Variants in PRKCQ observed in about 807,000 individuals in gnomAD.
The protein encoded by PRKCQ is protein kinase C theta, also known as protein kinase C theta type.
In PRKCQ, 41 loss-of-function variants were observed where a neutral mutation model predicts 91.2. The observed-to-expected ratio is 0.45, with a 90% CI of 0.35 to 0.58. The LOEUF (loss-of-function observed/expected upper bound fraction) is 0.58. PRKCQ is among the 20% of genes least tolerant of loss of function. The probability of loss-of-function intolerance (pLI) is 0.00; values close to 1 mark genes in which losing one functional copy is unlikely to be tolerated. For missense variants in PRKCQ, 673 were observed against 896.5 expected, an observed-to-expected ratio of 0.75 and a Z score of 3.18; for synonymous variants, 307 against 316.9, an observed-to-expected ratio of 0.97 and a Z score of 0.33.
chr10:6,435,087 T>G (rs1429416400), intron 16 of PRKCQ, among the ~76,000 whole-genome samples: 1 of 152,170 alleles, frequency 6.6e-6, no homozygotes, highest in Non-Finnish European at 1.5e-5. Flanking sequence ...GCTAATTTTT[T>G]GTACTTTTAG....
chr10:6,448,251 G>A (rs1391785481), intron 15 of PRKCQ, among the ~76,000 whole-genome samples: 1 of 152,190 alleles, frequency 6.6e-6, no homozygotes, highest in African/African-American at 2.4e-5. Flanking sequence ...TTGGTCAGGT[G>A]GATGTAGAGG....
the PRKCQ span, among the ~76,000 whole-genome samples, chr10:6,405,786 C>T: frequency 2.0e-5 from 3 of 152,332 alleles, no homozygotes; most frequent in South Asian, 6.2e-4. Flanking sequence ...CTTTGAAGGA[C>T]AAGTGCGGGA....
chr10:6,487,789 G>A (rs1564343337), intron 8 of PRKCQ, among the ~76,000 whole-genome samples: 1 of 152,092 alleles, frequency 6.6e-6, no homozygotes. Flanking sequence ...CCTGAGGTCA[G>A]GAGTTTGAGA....
intron 1 of PRKCQ, 143 bp from the exon 2 acceptor site, chr10:6,515,287 C>T: frequency 6.5e-7 from 1 of 1,531,264 alleles, no homozygotes; most frequent in Non-Finnish European, 8.7e-7. Context: ...AATGTTTTCA[C>T]TTCCCCTTCT....
intron 1 of PRKCQ, among the ~76,000 whole-genome samples, chr10:6,558,601 CGG>C (rs1564393017): frequency 6.6e-6 from 1 of 152,174 alleles, no homozygotes; most frequent in Non-Finnish European, 1.5e-5. Context: ...GAAGTGACTT[CGG>C]TCCAGGAAAC....
the PRKCQ span, among the ~76,000 whole-genome samples, chr10:6,419,088 A>T: frequency 1.3e-5 from 2 of 151,562 alleles, no homozygotes; most frequent in South Asian, 2.1e-4. Flanking sequence ...TCAATCATCT[A>T]CCTCTGTATT....
At chr10:6,417,043 TC>T in the PRKCQ span, among the ~76,000 whole-genome samples, 5 of 152,342 alleles carry the variant, frequency 3.3e-5, no homozygotes, top group Admixed American at 3.3e-4. Flanking sequence ...TGTAATGTAT[TC>T]TTAAAGGAAA....
intron 1 of PRKCQ, among the ~76,000 whole-genome samples, chr10:6,574,504 C>T (rs1841155290): frequency 6.6e-6 from 1 of 152,164 alleles, no homozygotes; most frequent in African/African-American, 2.4e-5. Context: ...TGGAGGATAA[C>T]GTATATGGTT....
rs116903545 is a variant in PRKCQ, at chr10:6,495,009, G to A, written c.660+2026C>T. On this transcript the variant is annotated intron_variant, in intron 7 of 17. Coordinates refer to ENST00000263125, the MANE Select transcript of PRKCQ (RefSeq NM_006257.5). ...GCCTCGGGCAGAAGCCAGAACCTGC[G>A]GCATCATCCTTATATCCACCTCTTT... Among the ~76,000 whole-genome samples, 78 of 152,196 alleles carry A rather than the reference G, an allele frequency of 5.1e-4. 2 individuals are homozygous for A. The East Asian group carries it at 0.013, about 25-fold the overall frequency.
At chr10:6,521,590 T>C (rs751817796) in intron 1 of PRKCQ, among the ~76,000 whole-genome samples, 1 of 152,250 alleles carries the variant, frequency 6.6e-6, no homozygotes, top group Non-Finnish European at 1.5e-5. Context: ...TAGTTATTAT[T>C]ATTACAACTC....
chr10:6,547,339 A>T (rs1249915675), intron 1 of PRKCQ, among the ~76,000 whole-genome samples: 1 of 151,674 alleles, frequency 6.6e-6, no homozygotes, highest in Admixed American at 6.6e-5. Flanking sequence ...TGCCATCCCC[A>T]TCAAGCTACC....
chr10:6,474,750 T>C (rs1475956684), intron 12 of PRKCQ, among the ~76,000 whole-genome samples: 2 of 152,230 alleles, frequency 1.3e-5, no homozygotes, highest in African/African-American at 4.8e-5. Flanking sequence ...AAGTGGATAG[T>C]TAAAAGATTT....
chr10:6,435,941 C>A (rs7070193), intron 16 of PRKCQ, among the ~76,000 whole-genome samples: 1 of 151,944 alleles, frequency 6.6e-6, no homozygotes, highest in East Asian at 1.9e-4. Context: ...TGGCAAAACC[C>A]GTCTCTACAA....
chr10:6,535,897 T>C (rs982576020), intron 1 of PRKCQ, among the ~76,000 whole-genome samples: 4 of 152,182 alleles, frequency 2.6e-5, no homozygotes, highest in East Asian at 1.9e-4. Context: ...CATCGATCTA[T>C]GAGGAAATGC....
chr10:6,450,861 A>G (rs1163575522), intron 15 of PRKCQ, among the ~76,000 whole-genome samples: 2 of 152,206 alleles, frequency 1.3e-5, no homozygotes, highest in African/African-American at 4.8e-5. Flanking sequence ...AGAAATAAAG[A>G]TGTTCTTTGA....
At chr10:6,483,716 G>A in intron 10 of PRKCQ, 116 bp from the exon 11 acceptor site, 3 of 1,261,664 alleles carry the variant, frequency 2.4e-6, no homozygotes. Flanking sequence ...CATAGTAATT[G>A]GGGGTGTTTA....
chr10:6,478,383 C>T (rs957525586), intron 12 of PRKCQ, among the ~76,000 whole-genome samples: 3 of 152,062 alleles, frequency 2.0e-5, no homozygotes, highest in Admixed American at 6.5e-5. Flanking sequence ...AATTTTGAGT[C>T]AGGAAAGAAA....
At chr10:6,543,127 G>A (rs1396233723) in intron 1 of PRKCQ, among the ~76,000 whole-genome samples, 1 of 152,208 alleles carries the variant, frequency 6.6e-6, no homozygotes, top group African/African-American at 2.4e-5. Flanking sequence ...CTGGCAGGGA[G>A]GCAAGGGCTC....
At chr10:6,455,047 A>G (rs1283874707) in intron 15 of PRKCQ, among the ~76,000 whole-genome samples, 1 of 152,184 alleles carries the variant, frequency 6.6e-6, no homozygotes, top group Non-Finnish European at 1.5e-5. Flanking sequence ...CAAGGTGAAG[A>G]GGAAAGAAAT....
Sources: allele counts gnomAD v4.1 joint callset (sites outside exome capture counted in the v4.1 genomes callset), GRCh38; gene constraint gnomAD v4.1.1; transcripts MANE v1.5; gene names NCBI Gene and HGNC (gene_info 2026-07-23, HGNC 2026-07-21).